The following AP1G1 variants were observed in gnomAD, a reference collection of about 807,000 sequenced individuals.
The protein encoded by AP1G1 is adaptor related protein complex 1 subunit gamma 1.
AP1G1 carries 7 observed loss-of-function variants against 108.3 expected under a neutral mutation model. That is an observed-to-expected ratio of 0.06 (90% CI 0.04 to 0.12). AP1G1 has a LOEUF of 0.12. AP1G1 is among the 10% of genes least tolerant of loss of function. AP1G1 has a pLI of 1.00. For synonymous variants in AP1G1, 379 were observed against 353.5 expected (o/e 1.07, Z -0.81); for missense variants, 756 against 1,010.7 (o/e 0.75, Z 3.42).
chr16:71,805,277 G>A (rs528954951), intron 1 of AP1G1, among the ~76,000 whole-genome samples: 7 of 151,988 alleles, frequency 4.6e-5, no homozygotes, highest in East Asian at 3.9e-4. Context: ...GTGAAACCCC[G>A]CCTCTACTAA....
intron 6 of AP1G1, chr16:71,767,951 G>C: frequency 6.5e-7 from 1 of 1,527,006 alleles, no homozygotes; most frequent in East Asian, 2.2e-5. Context: ...ATTAGGGACA[G>C]ATACGGGTCT....
Position 71,739,248 on chromosome 16 carries a change from T to C in AP1G1, c.2093A>G (p.Asn698Ser), listed in dbSNP as rs767078707. Residue 698 changes from asparagine to serine, a missense_variant, in exon 20 of 23, where the codon AAT becomes AGT. By Grantham distance (46) the Asn-to-Ser change is conservative. Transcript: ENST00000299980. The stretch of plus-strand genomic sequence containing the variant: ...AGTCATCGTACCTGCAGCAATATCA[T>C]TGAAGAGAGGCTGTGATGAAAGCCC... ...LDGLSSQPLF[N>S]DIAAGIPSIT... 193 of 1,613,462 alleles carry C rather than the reference T, an allele frequency of 1.2e-4. No homozygotes were observed. Among genetic ancestry groups the C allele is most frequent in the Admixed American group, 9.9e-4 (59 of 59,854 alleles).
chr16:71,768,231 C>T lies in AP1G1; in HGVS notation c.642+1392G>A, dbSNP rs558136893. ...AAAAAAAAAAGGCCGGGCGCGGTAG[C>T]TCACGCCTGTAATCCCAGCACTTGA... is the stretch of plus-strand genomic sequence containing the variant. On this transcript the variant is annotated intron_variant, in intron 6 of 22. Coordinates refer to ENST00000299980, the MANE Select transcript of AP1G1 (RefSeq NM_001128.6). 2.7e-5 allele frequency among the ~76,000 whole-genome samples: 4 copies of T among 148,174 alleles called. No individual in the cohort carries two copies. In the South Asian group the frequency reaches 6.4e-4, roughly 24 times the overall value.
rs2030779398 is a variant in AP1G1, at chr16:71,756,267, T to C, written c.1089-108A>G. ...CCAAGTACTGCCAGATGTGCTGACG[T>C]CCTTGCACGATCTTGTGATCCCAAT... On this transcript the variant is annotated intron_variant, in intron 11 of 22. Coordinates refer to ENST00000299980, the MANE Select transcript of AP1G1 (RefSeq NM_001128.6). 4.5e-6 allele frequency: 4 copies of C among 879,834 alleles called. 1 individual carries two copies. 54.5% of individuals were successfully genotyped at this position (879,834 alleles called of 1,614,324 possible). A position where few individuals can be genotyped will look rare whatever the true frequency, so the allele number is the denominator to read the frequency against.
intron 2 of AP1G1, among the ~76,000 whole-genome samples, chr16:71,788,638 T>C (rs548761320): frequency 1.4e-5 from 2 of 144,836 alleles, no homozygotes; most frequent in East Asian, 4.2e-4. Context: ...ATAAAGCAAT[T>C]AAGAAGACAT....
At chr16:71,774,354 A>T in intron 3 of AP1G1, 114 bp downstream of exon 3, 1 of 1,167,216 alleles carries the variant, frequency 8.6e-7, no homozygotes, top group South Asian at 1.5e-5. Context: ...CAGTGAGTCA[A>T]GATCACGCCA....
At chr16:71,734,513 A>G (rs1482360660) in intron 22 of AP1G1, 96 bp downstream of exon 22, 4 of 990,894 alleles carry the variant, frequency 4.0e-6, no homozygotes, top group Admixed American at 1.8e-5. Flanking sequence ...TTCTCTAACT[A>G]TGAGTCAGAA....
intron 2 of AP1G1, among the ~76,000 whole-genome samples, chr16:71,779,095 T>C (rs1365437080): frequency 6.6e-6 from 1 of 152,204 alleles, no homozygotes; most frequent in African/African-American, 2.4e-5. Context: ...CTTCAAACTC[T>C]TCTCAGCAGA....
intron 4 of AP1G1, among the ~76,000 whole-genome samples, chr16:71,772,189 G>C (rs2031600130): frequency 6.7e-6 from 1 of 149,928 alleles, no homozygotes; most frequent in South Asian, 2.1e-4. Context: ...AGAGTACAAT[G>C]GCGCAATGTC....
rs148194062 is a variant in AP1G1, at chr16:71,732,133, T to C, written c.*925A>G. ...CATTACCATAGTTCAAACAGGCAAG[T>C]TATGGGCTTAGGAGCACTTTAAAAT... On this transcript the variant is annotated 3_prime_UTR_variant, in exon 23 of 23. Coordinates refer to ENST00000299980, the MANE Select transcript of AP1G1 (RefSeq NM_001128.6). The C allele has an allele frequency of 4.3e-3, 658 of 152,356 alleles. 4 individuals are homozygous for C. The highest frequency in any genetic ancestry group is 0.015 in the African/African-American group (612 of 41,572). 9.4% of individuals were successfully genotyped at this position (152,356 alleles called of 1,614,324 possible). A position where few individuals can be genotyped will look rare whatever the true frequency, so the allele number is the denominator to read the frequency against.
At chr16:71,752,175 A>G (rs190499038) in intron 13 of AP1G1, among the ~76,000 whole-genome samples, 2 of 152,246 alleles carry the variant, frequency 1.3e-5, no homozygotes, top group Non-Finnish European at 2.9e-5. Context: ...GAAAAATAAA[A>G]TCAGGGGCAC....
intron 9 of AP1G1, among the ~76,000 whole-genome samples, chr16:71,763,040 G>C (rs1476790331): frequency 6.6e-6 from 1 of 152,182 alleles, no homozygotes; most frequent in Non-Finnish European, 1.5e-5. Context: ...AAAACTGCTT[G>C]ATGTATAGGG....
chr16:71,805,137 A>T (rs1051010758), intron 1 of AP1G1, among the ~76,000 whole-genome samples: 12 of 152,090 alleles, frequency 7.9e-5, no homozygotes, highest in Admixed American at 7.2e-4. Flanking sequence ...GAGAATAAAG[A>T]AAGCCAAAAT....
rs574951626 is a variant in AP1G1 at position 71,785,281 on chromosome 16, T to C, written c.201+3998A>G. Among the ~76,000 whole-genome samples the C allele has an allele frequency of 9.2e-5, 14 of 152,142 alleles. No individual in the cohort carries two copies. In the South Asian group the frequency reaches 2.7e-3, roughly 29 times the overall value. ...AAGTTGTTTAAAACATATTTAAAAG[T>C]CTTCCAATAACTAGGCTGGGTGTGG... On this transcript the variant is annotated intron_variant, in intron 2 of 22. Transcript: ENST00000299980.
At chr16:71,750,082 C>CT (rs1240929128) in intron 14 of AP1G1, 99 bp from the exon 15 acceptor site, 2 of 1,462,988 alleles carry the variant, frequency 1.4e-6, no homozygotes, top group African/African-American at 2.8e-5. Flanking sequence ...CAAAACTGTG[C>CT]ATATCTAGAG....
intron 19 of AP1G1, among the ~76,000 whole-genome samples, chr16:71,740,487 G>A (rs11645467): frequency 0.34 from 52,356 of 152,014 alleles, 9,797 homozygotes; most frequent in East Asian, 0.76. Flanking sequence ...TGAAATACTG[G>A]AAACAACCAA....
Position 71,732,278 on chromosome 16 carries a change from A to G in AP1G1, c.*780T>C, listed in dbSNP as rs1268114495. The G allele has an allele frequency of 1.3e-5, 2 of 152,768 alleles. No homozygotes were observed. Among genetic ancestry groups the G allele is most frequent in the East Asian group, 3.9e-4 (2 of 5,188 alleles). The allele number at this position is 152,768 out of a possible 1,614,324, so 9.5% of individuals were successfully genotyped here. ...AGACTATTCATGACTACAGCTAAAG[A>G]ATGGCGAGAAAGGGGAGCTGGAAGA... On this transcript the variant is annotated 3_prime_UTR_variant, in exon 23 of 23. Coordinates refer to ENST00000299980, the MANE Select transcript of AP1G1 (RefSeq NM_001128.6).
chr16:71,736,202 TTAC>T (rs2045538214), intron 21 of AP1G1, among the ~76,000 whole-genome samples: 1 of 147,136 alleles, frequency 6.8e-6, no homozygotes, highest in Non-Finnish European at 1.5e-5. Flanking sequence ...GTATTATTCA[TTAC>T]TACCATATTT....
chr16:71,745,060 G>A (rs1246381046), intron 19 of AP1G1, 84 bp downstream of exon 19: 24 of 1,474,838 alleles, frequency 1.6e-5, no homozygotes, highest in African/African-American at 2.8e-5. Context: ...AATGATTCAC[G>A]TGCTGGAAAG....
Sources: allele counts gnomAD v4.1 joint callset (sites outside exome capture counted in the v4.1 genomes callset), GRCh38; gene constraint gnomAD v4.1.1; transcripts MANE v1.5; gene names NCBI Gene and HGNC (gene_info 2026-07-23, HGNC 2026-07-21).